The following DLG2 variants were observed in gnomAD, a reference collection of about 807,000 sequenced individuals.
The protein encoded by DLG2 is discs large MAGUK scaffold protein 2, also known as disks large homolog 2.
In DLG2, 45 loss-of-function variants were observed where a neutral mutation model predicts 132.5. That is an observed-to-expected ratio of 0.34 (90% CI 0.27 to 0.44). DLG2 has a LOEUF of 0.44. Ranked by LOEUF, DLG2 falls within the 20% of genes least tolerant of loss-of-function variation. The pLI is 1.00. For synonymous variants in DLG2, 424 were observed against 419.6 expected (o/e 1.01, Z -0.13); for missense variants, 1,045 against 1,196.9 (o/e 0.87, Z 1.87).
chr11:84,233,796 T>C (rs2097125386), intron 8 of DLG2, among the ~76,000 whole-genome samples: 1 of 152,220 alleles, frequency 6.6e-6, no homozygotes, highest in South Asian at 2.1e-4. Flanking sequence ...CTTTCGCCTA[T>C]TAAACTTCCA....
At chr11:83,472,871 A>G (rs1270150734) in intron 22 of DLG2, 94 bp from the exon 23 acceptor site, 2 of 1,043,968 alleles carry the variant, frequency 1.9e-6, no homozygotes, top group Non-Finnish European at 2.9e-6. Context: ...GACACAGCTC[A>G]GAGTTAATTC....
intron 6 of DLG2, among the ~76,000 whole-genome samples, chr11:84,952,495 C>A (rs1044379548): frequency 6.6e-6 from 1 of 151,202 alleles, no homozygotes; most frequent in Non-Finnish European, 1.5e-5. Flanking sequence ...CCCGCCTGGG[C>A]GACAGAACGA....
intron 16 of DLG2, among the ~76,000 whole-genome samples, chr11:83,849,534 G>C (rs2059271905): frequency 6.6e-6 from 1 of 151,690 alleles, no homozygotes; most frequent in African/African-American, 2.4e-5. Context: ...TAATAAAAGA[G>C]ATACATAAAA....
intron 3 of DLG2, 25 bp downstream of exon 3, chr11:85,598,629 AATG>A (rs1253278319): frequency 1.3e-6 from 2 of 1,509,014 alleles, no homozygotes; most frequent in East Asian, 2.6e-5. Context: ...TGACCATTAA[AATG>A]ATGAATAACT....
chr11:84,527,099 A>C (rs2099323525), intron 7 of DLG2, among the ~76,000 whole-genome samples: 1 of 152,194 alleles, frequency 6.6e-6, no homozygotes, highest in Non-Finnish European at 1.5e-5. Flanking sequence ...CTTAAAATGC[A>C]TCCCCCACAG....
intron 19 of DLG2, among the ~76,000 whole-genome samples, chr11:83,558,359 C>T (rs919617231): frequency 6.6e-6 from 1 of 151,896 alleles, no homozygotes; most frequent in African/African-American, 2.4e-5. Context: ...TTCTGTCAAT[C>T]TTTATAGACA....
At chr11:84,289,775 A>G (rs930326876) in intron 7 of DLG2, among the ~76,000 whole-genome samples, 1 of 152,190 alleles carries the variant, frequency 6.6e-6, no homozygotes, top group Non-Finnish European at 1.5e-5. Context: ...GACTAAATGC[A>G]AACTGCAAGA....
At chr11:84,196,863 A>G (rs1255237128) in intron 8 of DLG2, among the ~76,000 whole-genome samples, 3 of 151,676 alleles carry the variant, frequency 2.0e-5, no homozygotes, top group Non-Finnish European at 4.4e-5. Flanking sequence ...AACAAGGCGA[A>G]ACAACTCTAC....
intron 5 of DLG2, among the ~76,000 whole-genome samples, chr11:85,140,495 G>T (rs1181170736): frequency 6.6e-6 from 1 of 151,396 alleles, no homozygotes; most frequent in Non-Finnish European, 1.5e-5. Context: ...GTGATGTTCT[G>T]GTACAAGCAT....
At chr11:84,842,555 T>C (rs915723133) in intron 6 of DLG2, among the ~76,000 whole-genome samples, 1 of 151,976 alleles carries the variant, frequency 6.6e-6, no homozygotes, top group Non-Finnish European at 1.5e-5. Flanking sequence ...TCAAACGCAC[T>C]TTACTTCATA....
intron 10 of DLG2, among the ~76,000 whole-genome samples, chr11:84,060,959 G>C (rs912804626): frequency 1.3e-5 from 2 of 152,138 alleles, no homozygotes; most frequent in Non-Finnish European, 2.9e-5. Flanking sequence ...AGCCTTCTTG[G>C]ATTCTCTCTT....
intron 6 of DLG2, among the ~76,000 whole-genome samples, chr11:84,717,425 A>AT (rs1484333711): frequency 7.2e-5 from 11 of 152,052 alleles, no homozygotes; most frequent in Admixed American, 2.6e-4. Flanking sequence ...ATCATCTGCC[A>AT]TATCACTTAA....
At chr11:85,316,836 A>C (rs1325471431) in intron 3 of DLG2, among the ~76,000 whole-genome samples, 1 of 151,996 alleles carries the variant, frequency 6.6e-6, no homozygotes, top group Non-Finnish European at 1.5e-5. Context: ...CAAGGCACTA[A>C]GGATAAAATG....
intron 3 of DLG2, among the ~76,000 whole-genome samples, chr11:85,511,465 T>C (rs539471645): frequency 1.4e-4 from 22 of 152,144 alleles, no homozygotes; most frequent in African/African-American, 5.1e-4. Context: ...TTCAATGGCA[T>C]CTCTCTTAGA....
At chr11:85,214,932 A>G (rs766724973) in intron 4 of DLG2, among the ~76,000 whole-genome samples, 23 of 152,188 alleles carry the variant, frequency 1.5e-4, no homozygotes, top group Non-Finnish European at 2.6e-4. Context: ...AAATTGCTCC[A>G]TAATACTTTC....
intron 6 of DLG2, among the ~76,000 whole-genome samples, chr11:84,724,598 T>C (rs2062194887): frequency 6.6e-6 from 1 of 152,202 alleles, no homozygotes; most frequent in African/African-American, 2.4e-5. Flanking sequence ...AGTATAGCAC[T>C]GGTCTAAGTA....
intron 6 of DLG2, among the ~76,000 whole-genome samples, chr11:84,540,768 A>T (rs2099366630): frequency 6.6e-6 from 1 of 152,212 alleles, no homozygotes; most frequent in African/African-American, 2.4e-5. Context: ...ACTATTCACA[A>T]TACCAAAGAC....
Position 85,611,829 on chromosome 11 carries a change from G to C in DLG2, c.-92-13041C>G, listed in dbSNP as rs188834623. ...GCACTCAGTGCAAAAACCCAAGGGG[G>C]TGGCAGTCTTACACTGTCGAAGCCA... is the stretch of plus-strand genomic sequence containing the variant. On this transcript the variant is annotated intron_variant, in intron 2 of 27. Coordinates refer to ENST00000376104, the MANE Select transcript of DLG2 (RefSeq NM_001142699.3). 2.2e-3 allele frequency among the ~76,000 whole-genome samples: 339 copies of C among 152,306 alleles called. 1 individual carries two copies. Among genetic ancestry groups the C allele is most frequent in the African/African-American group, 7.8e-3 (326 of 41,570 alleles).
intron 19 of DLG2, among the ~76,000 whole-genome samples, chr11:83,601,727 A>C (rs1330663089): frequency 6.6e-6 from 1 of 151,214 alleles, no homozygotes; most frequent in Non-Finnish European, 1.5e-5. Context: ...ATAGGGTTTC[A>C]GCCTGGGCTG....
Sources: gnomAD v4.1 joint callset for allele counts (sites outside exome capture counted in the v4.1 genomes callset) on GRCh38, gnomAD v4.1.1 for gene constraint, MANE v1.5 for transcripts, NCBI Gene and HGNC (gene_info 2026-07-23, HGNC 2026-07-21) for gene names.